NRG1: variants seen among roughly 807,000 people sequenced by gnomAD.
The protein encoded by NRG1 is neuregulin 1.
NRG1 carries 18 observed loss-of-function variants against 63.8 expected under a neutral mutation model. The ratio of observed to expected loss-of-function variants is 0.28; its 90% CI spans 0.19 to 0.42. NRG1 has a LOEUF of 0.42. Among genes scored for constraint, NRG1 ranks in the 10% least tolerant of loss-of-function variants. NRG1 has a pLI of 1.00. For missense variants in NRG1, 762 were observed against 814.7 expected, an observed-to-expected ratio of 0.94 and a Z score of 0.79; for synonymous variants, 302 against 301.3, an observed-to-expected ratio of 1.00 and a Z score of -0.02.
intron 1 of NRG1, among the ~76,000 whole-genome samples, chr8:32,417,736 A>T (rs1176424852): frequency 1.9e-5 from 2 of 106,012 alleles, no homozygotes; most frequent in Non-Finnish European, 3.9e-5. Flanking sequence ...GTGGAGGGGG[A>T]GGGGGGGTGT....
At chr8:32,247,774 G>A (rs918390203) in intron 1 of NRG1, among the ~76,000 whole-genome samples, 4 of 152,038 alleles carry the variant, frequency 2.6e-5, no homozygotes, top group African/African-American at 4.8e-5. Flanking sequence ...AAGCAAGGAC[G>A]TGATAAACTC....
rs1845143505 is a variant in NRG1 at position 32,605,701 on chromosome 8, T to C, written c.400+18T>C. ...ATCAAACGGTAAGAGATACCTACGG[T>C]ATTCTGTTCCTCAATCTGTAACAAG... is the stretch of plus-strand genomic sequence containing the variant. On this transcript the variant is annotated intron_variant, in intron 3 of 11. Transcript: ENST00000356819. 1.9e-6 allele frequency: 3 copies of C among 1,611,580 alleles called. No individual in the cohort carries two copies. The highest frequency in any genetic ancestry group is 2.2e-5 in the East Asian group (1 of 44,744).
chr8:32,438,446 G>A (rs1228026474), intron 1 of NRG1, among the ~76,000 whole-genome samples: 2 of 152,014 alleles, frequency 1.3e-5, no homozygotes, highest in African/African-American at 4.8e-5. Flanking sequence ...AGATACTTGG[G>A]TTGTTTCTAG....
At chr8:31,662,872 C>T (rs1295699309) in intron 1 of NRG1, among the ~76,000 whole-genome samples, 1 of 152,152 alleles carries the variant, frequency 6.6e-6, no homozygotes. Flanking sequence ...GGTTCCTCTT[C>T]TCCTCATCCT....
chr8:31,703,472 G>T (rs1235140979), intron 1 of NRG1, among the ~76,000 whole-genome samples: 13 of 152,028 alleles, frequency 8.6e-5, no homozygotes, highest in Admixed American at 8.5e-4. Context: ...TTGCATTGCT[G>T]GTTTCAATTA....
chr8:32,198,024 G>A (rs1456849258), intron 1 of NRG1, among the ~76,000 whole-genome samples: 1 of 152,172 alleles, frequency 6.6e-6, no homozygotes, highest in Admixed American at 6.5e-5. Flanking sequence ...GAGGATGAAT[G>A]AATATTCCTG....
Position 32,570,733 on chromosome 8 carries a change from C to A in NRG1, c.100+21907C>A, listed in dbSNP as rs567681621. Among the ~76,000 whole-genome samples, 25 of 151,692 alleles carry A rather than the reference C, an allele frequency of 1.6e-4. 1 individual carries two copies. In the South Asian group the frequency reaches 5.0e-3, roughly 30 times the overall value. The stretch of plus-strand genomic sequence containing the variant: ...TTATCAACTCTTGTTTTGAAAGGAC[C>A]CTTTCTTTAAGATAAAGTGTCACAT... On this transcript the variant is annotated intron_variant, in intron 1 of 11. Coordinates refer to ENST00000356819, the Ensembl canonical transcript of NRG1.
At chr8:32,431,572 A>G (rs192454252) in intron 1 of NRG1, among the ~76,000 whole-genome samples, 1 of 152,248 alleles carries the variant, frequency 6.6e-6, no homozygotes, top group East Asian at 1.9e-4. Flanking sequence ...GGGAGAGTTA[A>G]TATTCTCAGA....
chr8:32,304,691 T>C (rs966644843), intron 1 of NRG1, among the ~76,000 whole-genome samples: 1 of 152,176 alleles, frequency 6.6e-6, no homozygotes, highest in Non-Finnish European at 1.5e-5. Flanking sequence ...GTTAAGTACC[T>C]TGTGCCTGTG....
At chr8:31,926,138 C>T (rs811842) in intron 1 of NRG1, among the ~76,000 whole-genome samples, 128,323 of 152,160 alleles carry the variant, frequency 0.84, 54,914 homozygotes, top group Non-Finnish European at 0.91. Flanking sequence ...GAAAGTGAGA[C>T]GATTCAAGGT....
intron 1 of NRG1, among the ~76,000 whole-genome samples, chr8:32,377,431 C>A (rs1175377972): frequency 6.6e-6 from 1 of 152,166 alleles, no homozygotes; most frequent in East Asian, 1.9e-4. Flanking sequence ...GACCACTTGT[C>A]TCTGCACAGA....
intron 1 of NRG1, among the ~76,000 whole-genome samples, chr8:32,018,023 T>G (rs1192928927): frequency 9.2e-5 from 14 of 152,168 alleles, no homozygotes; most frequent in African/African-American, 2.4e-5. Flanking sequence ...GGGTTGCCAG[T>G]CCTCAGTCAA....
chr8:32,650,364 A>G (rs1854754684), intron 5 of NRG1, among the ~76,000 whole-genome samples: 1 of 152,198 alleles, frequency 6.6e-6, no homozygotes, highest in African/African-American at 2.4e-5. Flanking sequence ...AGCCTAGAGA[A>G]GCAGTCTGGG....
At chr8:32,755,965 C>T (rs1441048620) in intron 8 of NRG1, among the ~76,000 whole-genome samples, 3 of 152,104 alleles carry the variant, frequency 2.0e-5, no homozygotes, top group Non-Finnish European at 2.9e-5. Flanking sequence ...TAGTCTCAAA[C>T]TCTTGGACTC....
chr8:32,429,203 T>A (rs541136014), intron 1 of NRG1, among the ~76,000 whole-genome samples: 35 of 152,256 alleles, frequency 2.3e-4, no homozygotes, highest in African/African-American at 7.7e-4. Context: ...ATACAAAGTG[T>A]TTATCCAAAG....
intron 1 of NRG1, among the ~76,000 whole-genome samples, chr8:32,365,805 C>A (rs1807896140): frequency 6.6e-6 from 1 of 152,122 alleles, no homozygotes; most frequent in Non-Finnish European, 1.5e-5. Flanking sequence ...GTTTGCTCAC[C>A]CTTGGTGCAG....
intron 1 of NRG1, among the ~76,000 whole-genome samples, chr8:32,448,500 C>G (rs1045018910): frequency 1.3e-5 from 2 of 152,070 alleles, no homozygotes; most frequent in Non-Finnish European, 2.9e-5. Context: ...TTAGCTGGCC[C>G]GAGTCTGGGA....
At chr8:32,726,395 C>G (rs961570523) in intron 5 of NRG1, among the ~76,000 whole-genome samples, 2 of 151,902 alleles carry the variant, frequency 1.3e-5, no homozygotes, top group Non-Finnish European at 2.9e-5. Context: ...TGCCATTACC[C>G]CTCTTTTCTT....
At chr8:32,207,778 G>C (rs976021024) in intron 1 of NRG1, among the ~76,000 whole-genome samples, 8 of 152,126 alleles carry the variant, frequency 5.3e-5, no homozygotes, top group Non-Finnish European at 1.2e-4. Flanking sequence ...ATGGTTTATA[G>C]GCCAATCATT....
Sources: gnomAD v4.1 joint callset for allele counts (sites outside exome capture counted in the v4.1 genomes callset) on GRCh38, gnomAD v4.1.1 for gene constraint, MANE v1.5 for transcripts, NCBI Gene and HGNC (gene_info 2026-07-23, HGNC 2026-07-21) for gene names.